CADPS2: variants seen among roughly 807,000 people sequenced by gnomAD.
CADPS2 encodes calcium dependent secretion activator 2.
Under a neutral mutation model 172.5 loss-of-function variants are expected in CADPS2, and 93 were observed. That is an observed-to-expected ratio of 0.54 (90% confidence interval 0.46 to 0.64). CADPS2 has a LOEUF of 0.64. CADPS2 is among the 30% of genes least tolerant of loss of function. The pLI is 0.00. For missense variants in CADPS2, 1,420 were observed against 1,565.9 expected, an observed-to-expected ratio of 0.91 and a Z score of 1.57; for synonymous variants, 546 against 555.2, an observed-to-expected ratio of 0.98 and a Z score of 0.23.
At chr7:122,615,124 T>C in intron 6 of CADPS2, 57 bp downstream of exon 6, 2 of 1,036,628 alleles carry the variant, frequency 1.9e-6, no homozygotes, top group South Asian at 3.1e-5. Context: ...GCATGTTTCT[T>C]TGGGAGGATT....
intron 2 of CADPS2, chr7:122,698,849 GAAC>G: frequency 6.2e-7 from 1 of 1,613,144 alleles, no homozygotes. Flanking sequence ...ACAAGCCAAA[GAAC>G]ACTGAACTTC....
At position 122,527,617 on chromosome 7, in the gene CADPS2, A is replaced by AGAGAGAGAGAGTGTGTGT; in HGVS notation, c.1476-14303_1476-14302insACACACACTCTCTCTCTC. Among the ~76,000 whole-genome samples, 432 of 83,826 alleles carry AGAGAGAGAGAGTGTGTGT rather than the reference A, an allele frequency of 5.2e-3. 2 individuals carry two copies. The highest frequency in any genetic ancestry group is 8.6e-3 in the Non-Finnish European group (329 of 38,296). 55.0% of individuals were successfully genotyped at this position (83,826 alleles called of 152,430 possible). A position where few individuals can be genotyped will look rare whatever the true frequency, so the allele number is the denominator to read the frequency against. On this transcript the variant is annotated intron_variant, in intron 8 of 29. Coordinates refer to ENST00000449022, the MANE Select transcript of CADPS2 (RefSeq NM_017954.11). ...GAGAGAGAGAGAGAGAGAGAGAGAG[A>AGAGAGAGAGAGTGTGTGT]GTGTGTGTGTGTGTGTGTGTGTGTG... is the stretch of plus-strand genomic sequence containing the variant.
intron 8 of CADPS2, among the ~76,000 whole-genome samples, chr7:122,541,661 A>ATATTCATATATGTTTATATATT (rs1242300514): frequency 3.4e-5 from 5 of 145,584 alleles, no homozygotes; most frequent in African/African-American, 1.2e-4. Context: ...ATATCTTTAT[A>ATATTCATATATGTTTATATATT]TATTCATATA....
chr7:122,793,510 C>T (rs940400080), intron 1 of CADPS2, among the ~76,000 whole-genome samples: 3 of 152,058 alleles, frequency 2.0e-5, no homozygotes, highest in Non-Finnish European at 2.9e-5. Context: ...TTATTTTGAG[C>T]TTATGTGTGT....
chr7:122,509,988 C>T (rs547481246), intron 9 of CADPS2, among the ~76,000 whole-genome samples: 6 of 151,992 alleles, frequency 3.9e-5, no homozygotes, highest in Non-Finnish European at 5.9e-5. Context: ...TTTGAATAGG[C>T]ATTAGCAAAA....
chr7:122,572,655 A>T (rs961993502), intron 7 of CADPS2, among the ~76,000 whole-genome samples: 4 of 152,252 alleles, frequency 2.6e-5, no homozygotes, highest in Non-Finnish European at 4.4e-5. Context: ...TTGCCCACAA[A>T]TAGATGTCCC....
In CADPS2 at chr7:122,836,542, G is replaced by A. The variant is rs573345204; in HGVS notation, c.339+49457C>T. Among the ~76,000 whole-genome samples the A allele has an allele frequency of 1.3e-3, 195 of 152,194 alleles. 1 individual carries two copies. The highest frequency in any genetic ancestry group is 2.3e-3 in the Non-Finnish European group (159 of 68,014). On this transcript the variant is annotated intron_variant, in intron 1 of 29. Transcript: ENST00000449022. ...GCTGTCTTCAGGAGACACATCTCAC[G>A]TGCAGAGACACACATAGGCTCAAAA... is the stretch of plus-strand genomic sequence containing the variant.
chr7:122,836,724 C>T (rs1246573169), intron 1 of CADPS2, among the ~76,000 whole-genome samples: 5 of 152,150 alleles, frequency 3.3e-5, no homozygotes, highest in Admixed American at 3.3e-4. Flanking sequence ...ACAAGAAGAG[C>T]TAACTATCTT....
chr7:122,364,276 A>T (rs967867492), intron 25 of CADPS2, among the ~76,000 whole-genome samples: 5 of 151,918 alleles, frequency 3.3e-5, no homozygotes. Context: ...TTGGCTGGGC[A>T]TGGTGGCGTG....
At chr7:122,491,270 G>A in intron 10 of CADPS2, 42 bp downstream of exon 10, 1 of 1,249,264 alleles carries the variant, frequency 8.0e-7, no homozygotes, top group Non-Finnish European at 1.1e-6. Context: ...AGAATTCCAT[G>A]CATACATACA....
intron 1 of CADPS2, among the ~76,000 whole-genome samples, chr7:122,816,234 C>A (rs1801360799): frequency 7.5e-6 from 1 of 133,556 alleles, no homozygotes; most frequent in African/African-American, 2.7e-5. Flanking sequence ...CTCTCTATCT[C>A]CACGAGATCA....
chr7:122,874,884 A>G (rs1020416959), intron 1 of CADPS2, among the ~76,000 whole-genome samples: 6 of 152,226 alleles, frequency 3.9e-5, no homozygotes, highest in African/African-American at 1.4e-4. Flanking sequence ...AATTAACTCA[A>G]GATGGATTAA....
intron 7 of CADPS2, among the ~76,000 whole-genome samples, chr7:122,567,571 A>G (rs1337259010): frequency 6.6e-6 from 1 of 152,200 alleles, no homozygotes; most frequent in African/African-American, 2.4e-5. Flanking sequence ...AAAGATGACT[A>G]TGTGACACTA....
chr7:122,619,388 G>A (rs1255943339), intron 5 of CADPS2, among the ~76,000 whole-genome samples: 3 of 151,488 alleles, frequency 2.0e-5, no homozygotes, highest in East Asian at 3.9e-4. Flanking sequence ...CACTTTGGGT[G>A]GATTGTCTGA....
At chr7:122,401,349 T>C (rs1585649704) in intron 20 of CADPS2, among the ~76,000 whole-genome samples, 2 of 152,350 alleles carry the variant, frequency 1.3e-5, no homozygotes, top group South Asian at 2.1e-4. Flanking sequence ...TATTTTTCAG[T>C]TGGGAACCAG....
intron 13 of CADPS2, 69 bp from the exon 14 acceptor site, chr7:122,471,631 C>T (rs182933106): frequency 1.0e-5 from 13 of 1,294,724 alleles, no homozygotes; most frequent in Admixed American, 2.7e-5. Flanking sequence ...TTCCTGAACG[C>T]ACTTTTAGGC....
chr7:122,545,467 C>T (rs1007215942), intron 8 of CADPS2, among the ~76,000 whole-genome samples: 4 of 152,014 alleles, frequency 2.6e-5, no homozygotes, highest in African/African-American at 4.8e-5. Context: ...AAAATCTAGA[C>T]GAACCAGATT....
chr7:122,423,305 C>T (rs760096885), intron 17 of CADPS2, among the ~76,000 whole-genome samples: 5 of 152,060 alleles, frequency 3.3e-5, no homozygotes, highest in Non-Finnish European at 7.4e-5. Flanking sequence ...AAATTAGGTA[C>T]TTCCTTGCCC....
chr7:122,825,987 T>C (rs902285238), intron 1 of CADPS2, among the ~76,000 whole-genome samples: 2 of 152,172 alleles, frequency 1.3e-5, no homozygotes, highest in Admixed American at 1.3e-4. Context: ...ACAACTATGG[T>C]GCACACTGGG....
Sources: allele counts gnomAD v4.1 joint callset (sites outside exome capture counted in the v4.1 genomes callset), GRCh38; gene constraint gnomAD v4.1.1; transcripts MANE v1.5; gene names NCBI Gene and HGNC (gene_info 2026-07-23, HGNC 2026-07-21).